TMEM200A: variants seen among roughly 807,000 people sequenced by gnomAD.
The protein encoded by TMEM200A is transmembrane protein 200A, also known as two transmembrane C.
A neutral mutation model predicts 24.3 loss-of-function variants in TMEM200A; 12 were observed. That is an observed-to-expected ratio of 0.49 (90% confidence interval 0.32 to 0.80). The LOEUF (loss-of-function observed/expected upper bound fraction) is 0.80, where lower values mean the gene tolerates loss of function less well. Ranked by LOEUF, TMEM200A falls within the 30% of genes least tolerant of loss-of-function variation. TMEM200A has a pLI of 0.04. For missense variants in TMEM200A, 545 were observed against 614.4 expected, an observed-to-expected ratio of 0.89 and a Z score of 1.19; for synonymous variants, 224 against 224.4, an observed-to-expected ratio of 1.00 and a Z score of 0.02.
chr6:130,398,576 G>A (rs188318998), intron 2 of TMEM200A, among the ~76,000 whole-genome samples: 64 of 152,086 alleles, frequency 4.2e-4, no homozygotes, highest in Admixed American at 1.5e-3. Flanking sequence ...TTCCACAGTG[G>A]CTGAACTAAT....
rs377183182 is a variant in TMEM200A, at chr6:130,441,926, G to A, written c.*28G>A. The A allele has an allele frequency of 6.5e-7, 1 of 1,544,116 alleles. No individual in the cohort carries two copies. The highest frequency in any genetic ancestry group is 2.3e-5 in the East Asian group (1 of 44,152). On this transcript the variant is annotated 3_prime_UTR_variant, in exon 3 of 3. Coordinates refer to ENST00000296978, the MANE Select transcript of TMEM200A (RefSeq NM_001258277.2). ...TTAAAAGAATATATCATTTTACAAG[G>A]GTATATATTTTAAAACGATTTTCAC...
At chr6:130,424,958 C>G (rs954560590) in intron 2 of TMEM200A, among the ~76,000 whole-genome samples, 1 of 152,218 alleles carries the variant, frequency 6.6e-6, no homozygotes, top group Non-Finnish European at 1.5e-5. Context: ...TCTTTGAAAA[C>G]AGCTTGAAGG....
At chr6:130,437,230 C>T (rs1780043382) in intron 2 of TMEM200A, 1 of 152,366 alleles carries the variant, frequency 6.6e-6, no homozygotes, top group Admixed American at 6.6e-5. Context: ...TGGCCAAGTT[C>T]CTATTCCTGG....
chr6:130,366,608 TCTGCC>T lies in TMEM200A; in HGVS notation c.-81+87_-81+91del. 1 of 977,088 alleles carries T rather than the reference TCTGCC, an allele frequency of 1.0e-6. No individual in the cohort carries two copies. The highest frequency in any genetic ancestry group is 1.2e-6 in the Non-Finnish European group (1 of 822,238). 60.5% of individuals were successfully genotyped at this position (977,088 alleles called of 1,614,324 possible). A position where few individuals can be genotyped will look rare whatever the true frequency, so the allele number is the denominator to read the frequency against. On this transcript the variant is annotated intron_variant, in intron 1 of 2. Coordinates refer to ENST00000296978, the MANE Select transcript of TMEM200A (RefSeq NM_001258277.2). This position sits in a 1 kb window ranked among gnomAD's most constrained non-coding sequence, Gnocchi z 4.4. ...CCGAAACCGGGCACTTCTTCAGCCC[TCTGCC>T]CTCCCCTCCCCTCCGCTACAGCCTC... is the stretch of plus-strand genomic sequence containing the variant.
At chr6:130,436,522 C>T (rs1780016934) in intron 2 of TMEM200A, among the ~76,000 whole-genome samples, 1 of 147,554 alleles carries the variant, frequency 6.8e-6, no homozygotes, top group Non-Finnish European at 1.5e-5. Context: ...GCTGTTTTTG[C>T]ATATACTGAA....
Position 130,366,042 on chromosome 6 carries a change from C to A in TMEM200A, c.-563C>A. 1.0e-6 allele frequency: 1 copy of A among 985,640 alleles called. No individual in the cohort carries two copies. Among genetic ancestry groups the A allele is most frequent in the Non-Finnish European group, 1.2e-6 (1 of 830,094 alleles). 61.1% of individuals were successfully genotyped at this position (985,640 alleles called of 1,614,324 possible). A position where few individuals can be genotyped will look rare whatever the true frequency, so the allele number is the denominator to read the frequency against. ...ATCTGGAGCCGAGCAGAAAACTTTT[C>A]CCCTCCCGTTCCCGGTCCCTTTTGT... On this transcript the variant is annotated 5_prime_UTR_variant, in exon 1 of 3. Coordinates refer to ENST00000296978, the MANE Select transcript of TMEM200A (RefSeq NM_001258277.2). This position sits in a 1 kb window ranked among gnomAD's most constrained non-coding sequence, Gnocchi z 4.4.
chr6:130,418,964 G>T (rs1276185865), intron 2 of TMEM200A, among the ~76,000 whole-genome samples: 1 of 152,058 alleles, frequency 6.6e-6, no homozygotes, highest in Non-Finnish European at 1.5e-5. Flanking sequence ...ACGATACGTT[G>T]TTGTTAACTA....
chr6:130,410,404 A>G (rs1330237017), intron 2 of TMEM200A, among the ~76,000 whole-genome samples: 1 of 152,230 alleles, frequency 6.6e-6, no homozygotes, highest in Non-Finnish European at 1.5e-5. Flanking sequence ...GTCTAAATCC[A>G]GATGATTTCA....
intron 1 of TMEM200A, among the ~76,000 whole-genome samples, chr6:130,371,820 G>A (rs1439888941): frequency 6.6e-6 from 1 of 152,174 alleles, no homozygotes; most frequent in African/African-American, 2.4e-5. Context: ...TCTACCATCT[G>A]CCATGGCTTT....
chr6:130,430,208 C>T (rs1012882640), intron 2 of TMEM200A, among the ~76,000 whole-genome samples: 5 of 152,078 alleles, frequency 3.3e-5, no homozygotes, highest in African/African-American at 1.2e-4. Context: ...ATACTGTCTT[C>T]TTACTGTGTC....
chr6:130,381,711 TTTG>T (rs751993888), intron 1 of TMEM200A, among the ~76,000 whole-genome samples: 37 of 152,262 alleles, frequency 2.4e-4, no homozygotes, highest in African/African-American at 7.5e-4. Flanking sequence ...AGGCTACCTC[TTTG>T]TTGTTGTTGT....
Position 130,440,470 on chromosome 6 carries a change from G to C in TMEM200A, c.48G>C (p.Arg16Ser), listed in dbSNP as rs780852405. ...GVITGLAALK[R>S]QDSARSQQHV... ...TAACTGGCCTGGCCGCCTTGAAAAGGCAAGACTCTGCCAGATCACAGCAGC... is the reference window on the plus strand; with the variant it reads ...TAACTGGCCTGGCCGCCTTGAAAAGCCAAGACTCTGCCAGATCACAGCAGC... The change falls in exon 3 of 3, where the codon AGG becomes AGC. Residue 16 changes from arginine (R) to serine (S), a missense_variant. Arg to Ser is a moderately radical substitution (Grantham distance 110). Transcript: ENST00000296978. 2 of 1,609,310 alleles carry C rather than the reference G, an allele frequency of 1.2e-6. No homozygotes were observed. The highest frequency in any genetic ancestry group is 4.5e-5 in the East Asian group (2 of 44,804).
At chr6:130,374,849 C>T (rs934617575) in intron 1 of TMEM200A, among the ~76,000 whole-genome samples, 1 of 152,156 alleles carries the variant, frequency 6.6e-6, no homozygotes, top group Non-Finnish European at 1.5e-5. Context: ...AATTCAACCA[C>T]ATCACAGTAC....
intron 2 of TMEM200A, among the ~76,000 whole-genome samples, chr6:130,428,658 T>C (rs987432777): frequency 6.6e-6 from 1 of 152,222 alleles, no homozygotes; most frequent in African/African-American, 2.4e-5. Context: ...ATGTACACCT[T>C]CATCCCAGTT....
In TMEM200A at chr6:130,366,572, G is replaced by A; in HGVS notation, c.-81+48G>A. On this transcript the variant is annotated intron_variant, in intron 1 of 2. Coordinates refer to ENST00000296978, the MANE Select transcript of TMEM200A (RefSeq NM_001258277.2). This position sits in a 1 kb window ranked among gnomAD's most constrained non-coding sequence, Gnocchi z 4.4. ...GACGGGAGTGGGGAGGTGGGTGGGC[G>A]GCCACCGCAGCCGAAACCGGGCACT... 1.0e-6 allele frequency: 1 copy of A among 985,744 alleles called. No individual in the cohort carries two copies. Among genetic ancestry groups the A allele is most frequent in the Non-Finnish European group, 1.2e-6 (1 of 830,182 alleles). The allele number at this position is 985,744 out of a possible 1,614,324, so 61.1% of individuals were successfully genotyped here. A position where few individuals can be genotyped will look rare whatever the true frequency, so the allele number is the denominator to read the frequency against.
intron 1 of TMEM200A, among the ~76,000 whole-genome samples, chr6:130,379,247 C>T (rs1778539505): frequency 6.6e-6 from 1 of 151,666 alleles, no homozygotes; most frequent in African/African-American, 2.4e-5. Flanking sequence ...TCAGACAACA[C>T]TGTGTTAAAT....
Position 130,416,282 on chromosome 6 carries a change from GA to G in TMEM200A, c.-16-24124del, listed in dbSNP as rs756560849. On this transcript the variant is annotated intron_variant, in intron 2 of 2. Coordinates refer to ENST00000296978, the MANE Select transcript of TMEM200A (RefSeq NM_001258277.2). Reference sequence around the variant, plus strand: ...TCACTAAGCCTCATGCTTATTAGTGGATTAAATTTTTAGTTTTGATTATAGG... The same window carrying G: ...TCACTAAGCCTCATGCTTATTAGTGGTTAAATTTTTAGTTTTGATTATAGG... Among the ~76,000 whole-genome samples, 103 of 152,002 alleles carry G rather than the reference GA, an allele frequency of 6.8e-4. 2 individuals are homozygous for G. Among genetic ancestry groups the G allele is most frequent in the Non-Finnish European group, 1.3e-3 (85 of 67,976 alleles).
intron 1 of TMEM200A, among the ~76,000 whole-genome samples, chr6:130,370,059 G>A (rs575307150): frequency 3.3e-5 from 5 of 152,244 alleles, no homozygotes; most frequent in Admixed American, 6.5e-5. Flanking sequence ...CTTCAATCAT[G>A]GCTGGAACTC....
At chr6:130,401,835 TTGTG>T (rs148085161) in intron 2 of TMEM200A, among the ~76,000 whole-genome samples, 4 of 151,706 alleles carry the variant, frequency 2.6e-5, no homozygotes, top group African/African-American at 9.7e-5. Flanking sequence ...TCTTTAATGT[TTGTG>T]TGTGTGTGTT....
Sources: allele counts gnomAD v4.1 joint callset (sites outside exome capture counted in the v4.1 genomes callset), GRCh38; gene constraint gnomAD v4.1.1; non-coding constraint Gnocchi (gnomAD v3.1); transcripts MANE v1.5; gene names NCBI Gene and HGNC (gene_info 2026-07-23, HGNC 2026-07-21).